The following BTD variants were observed in gnomAD, a reference collection of about 807,000 sequenced individuals.
BTD encodes the protein biotinidase.
BTD carries 13 observed loss-of-function variants against 17.7 expected under a neutral mutation model. That is an observed-to-expected ratio of 0.74 (90% CI 0.48 to 1.17). The LOEUF is 1.17. BTD is among the 50% of genes most tolerant of loss of function. The pLI, the probability that BTD is intolerant of heterozygous loss-of-function variation, is 0.00. For synonymous variants in BTD, 240 were observed against 245.2 expected (o/e 0.98, Z 0.20); for missense variants, 674 against 650.4 (o/e 1.04, Z -0.39).
At chr3:15,669,958 C>A (rs2066192149) in intron 3 of BTD, 1 of 243,902 alleles carries the variant, frequency 4.1e-6, no homozygotes, top group Admixed American at 5.0e-5. Context: ...AATAGTGTTG[C>A]TTGTGTAAGC....
chr3:15,645,291 A>T lies in BTD; in HGVS notation c.1375A>T (p.Thr459Ser), dbSNP rs2125506184. The change falls in exon 4 of 4, where the codon ACG becomes TCG. Residue 459 changes from threonine to serine, a missense_variant. By Grantham distance (58) the Thr-to-Ser change is moderately conservative (BLOSUM62 1). Coordinates refer to ENST00000643237, the MANE Select transcript of BTD (RefSeq NM_001370658.1). Reference sequence around the variant, plus strand: ...CTGTGGACAGGAAATCACAGAGGCCACGGGGATATTTGAGTTTCACCTGTG... The same window carrying T: ...CTGTGGACAGGAAATCACAGAGGCCTCGGGGATATTTGAGTTTCACCTGTG... ...DTCGQEITEA[T>S]GIFEFHLWGN... 6.2e-7 allele frequency: 1 copy of T among 1,614,216 alleles called. No homozygotes were observed. The highest frequency in any genetic ancestry group is 2.2e-5 in the East Asian group (1 of 44,888).
chr3:15,642,360 C>A, intron 3 of BTD: 1 of 918,060 alleles, frequency 1.1e-6, no homozygotes, highest in Non-Finnish European at 1.6e-6. Context: ...GCCTGCACCT[C>A]ATCCCATGCC....
intron 3 of BTD, chr3:15,684,892 G>C (rs534217493): frequency 2.0e-5 from 5 of 251,076 alleles, no homozygotes; most frequent in African/African-American, 4.6e-5. Context: ...GGGAGGCTGA[G>C]GTGGGAGGAT....
intron 1 of BTD, chr3:15,602,106 T>C: frequency 2.1e-6 from 3 of 1,434,064 alleles, no homozygotes; most frequent in Non-Finnish European, 2.7e-6. Flanking sequence ...CGCTTTGTGG[T>C]TTACGCTCTC....
At chr3:15,659,337 AGG>A (rs563339605) in intron 3 of BTD, among the ~76,000 whole-genome samples, 1 of 150,602 alleles carries the variant, frequency 6.6e-6, no homozygotes, top group Non-Finnish European at 1.5e-5. Context: ...ATGCCTGGGA[AGG>A]GGGGCACTCT....
intron 3 of BTD, among the ~76,000 whole-genome samples, chr3:15,674,996 G>A (rs1421581139): frequency 1.3e-5 from 2 of 152,044 alleles, no homozygotes; most frequent in Non-Finnish European, 2.9e-5. Flanking sequence ...GAGGCTGGAC[G>A]CTGTGGCTCA....
At chr3:15,663,067 G>T (rs2065941791) in intron 3 of BTD, among the ~76,000 whole-genome samples, 1 of 151,552 alleles carries the variant, frequency 6.6e-6, no homozygotes, top group African/African-American at 2.4e-5. Context: ...GCGTGATCTT[G>T]GCTTACTGAA....
intron 3 of BTD, chr3:15,686,271 C>G (rs1426245589): frequency 1.5e-5 from 24 of 1,591,168 alleles, no homozygotes; most frequent in Non-Finnish European, 1.7e-5. Context: ...TCTGCATTTC[C>G]TATTAATAGC....
At chr3:15,639,463 G>A (rs1384904349) in intron 2 of BTD, among the ~76,000 whole-genome samples, 2 of 152,146 alleles carry the variant, frequency 1.3e-5, no homozygotes, top group South Asian at 2.1e-4. Flanking sequence ...ATGGAAATGT[G>A]TATATCAGTC....
At chr3:15,700,042 A>G (rs1391844075) in intron 3 of BTD, among the ~76,000 whole-genome samples, 6 of 152,242 alleles carry the variant, frequency 3.9e-5, no homozygotes, top group Non-Finnish European at 8.8e-5. Flanking sequence ...ACACCATGGA[A>G]TACTATGCCA....
rs904245123 is a variant in BTD, at chr3:15,696,386, T to C, written c.400-13674T>C. Reference sequence around the variant, plus strand: ...TCATAAATGTATTACACTATAAAAATGTCATTTAAATGACACTGACTAAAG... The same window carrying C: ...TCATAAATGTATTACACTATAAAAACGTCATTTAAATGACACTGACTAAAG... On this transcript the variant is annotated intron_variant, in intron 3 of 3. Coordinates refer to the BTD transcript ENST00000672141. 5.5e-6 allele frequency: 3 copies of C among 547,180 alleles called. 1 individual carries two copies. The highest frequency in any genetic ancestry group is 8.7e-4 in the Middle Eastern group (2 of 2,302). 33.9% of individuals were successfully genotyped at this position (547,180 alleles called of 1,614,324 possible).
intron 3 of BTD, among the ~76,000 whole-genome samples, chr3:15,692,665 G>C (rs1157171968): frequency 6.6e-6 from 1 of 152,130 alleles, no homozygotes; most frequent in Admixed American, 6.5e-5. Context: ...GTCCCGAATG[G>C]GAGAGTTTCG....
chr3:15,713,028 A>C (rs1195812130), downstream of BTD, among the ~76,000 whole-genome samples: 1 of 152,220 alleles, frequency 6.6e-6, no homozygotes, highest in Admixed American at 6.5e-5. Flanking sequence ...TCTTTCAAAC[A>C]AAATATTACA....
chr3:15,686,224 T>C (rs2068111112), intron 3 of BTD: 2 of 1,590,730 alleles, frequency 1.3e-6, no homozygotes, highest in African/African-American at 1.3e-5. Context: ...AAACTTACTG[T>C]CCATTTCCAT....
intron 3 of BTD, among the ~76,000 whole-genome samples, chr3:15,691,489 T>C (rs534279818): frequency 5.0e-4 from 76 of 152,262 alleles, no homozygotes; most frequent in African/African-American, 1.8e-3. Context: ...AAATCCAACA[T>C]GGCAACTGAA....
chr3:15,645,098 T>A lies in BTD; in HGVS notation c.1182T>A (p.Tyr394Ter), dbSNP rs368320941. Residue 394 changes from tyrosine (Y) to a stop codon, truncating the protein, a stop_gained, in exon 4 of 4, where the codon TAT becomes TAA. Coordinates refer to ENST00000643237, the MANE Select transcript of BTD (RefSeq NM_001370658.1). LOFTEE classifies it low-confidence loss of function (END_TRUNC). ...TLVPVWGKEG[Y>*]LHVCSNGLCC... Reference sequence around the variant, plus strand: ...TCCCTGTCTGGGGAAAGGAAGGCTATCTCCACGTCTGTTCCAATGGCCTCT... The same window carrying A: ...TCCCTGTCTGGGGAAAGGAAGGCTAACTCCACGTCTGTTCCAATGGCCTCT... The A allele has an allele frequency of 6.2e-7, 1 of 1,613,954 alleles. No individual in the cohort carries two copies. The highest frequency in any genetic ancestry group is 8.5e-7 in the Non-Finnish European group (1 of 1,179,962).
chr3:15,638,060 G>T (rs562202003), intron 2 of BTD, among the ~76,000 whole-genome samples: 1 of 152,050 alleles, frequency 6.6e-6, no homozygotes, highest in Non-Finnish European at 1.5e-5. Flanking sequence ...TTCCTTACAC[G>T]ATGACATGTT....
chr3:15,711,336 C>A (rs2072247797), exon 4 of BTD: 15 of 1,367,400 alleles, frequency 1.1e-5, no homozygotes, highest in South Asian at 1.2e-5. Flanking sequence ...AGAATTGTGT[C>A]ATGAAACATC....
At chr3:15,620,598 A>G (rs2064923344) in intron 1 of BTD, among the ~76,000 whole-genome samples, 1 of 152,234 alleles carries the variant, frequency 6.6e-6, no homozygotes, top group Non-Finnish European at 1.5e-5. Context: ...CAGTTAGCAC[A>G]ATTATCACAG....
Sources: gnomAD v4.1 joint callset for allele counts (sites outside exome capture counted in the v4.1 genomes callset) on GRCh38, gnomAD v4.1.1 for gene constraint, MANE v1.5 for transcripts, NCBI Gene and HGNC (gene_info 2026-07-23, HGNC 2026-07-21) for gene names.